EXO5: variants seen among roughly 807,000 people sequenced by gnomAD.
EXO5 encodes the protein exonuclease 5, also known as exonuclease V.
EXO5 carries 11 observed loss-of-function variants against 17.8 expected under a neutral mutation model. That is an observed-to-expected ratio of 0.62 (90% CI 0.39 to 1.02). The LOEUF (loss-of-function observed/expected upper bound fraction) is 1.02, where lower values mean the gene tolerates loss of function less well. Among genes scored for constraint, EXO5 ranks in the 50% least tolerant of loss-of-function variants. The pLI is 0.00. For missense variants in EXO5, 364 were observed against 434.8 expected, an observed-to-expected ratio of 0.84 and a Z score of 1.45; for synonymous variants, 147 against 166.5, an observed-to-expected ratio of 0.88 and a Z score of 0.90.
In EXO5 at chr1:40,514,693, C is replaced by G; in HGVS notation, c.149C>G (p.Ser50Cys). ...LVNMPGPSSE[S>C]LGKDDKPISL... ...AACATGCCTGGCCCATCTTCTGAAT[C>G]CCTTGGGAAGGATGACAAACCCATA... The change falls in exon 4 of 4, where the codon TCC becomes TGC. Residue 50 changes from serine to cysteine, a missense_variant. Physicochemically the swap from Ser to Cys is moderately radical, Grantham distance 112. Coordinates refer to ENST00000415550, the MANE Select transcript of EXO5 (RefSeq NM_001346953.2). The G allele has an allele frequency of 6.2e-7, 1 of 1,614,154 alleles. No homozygotes were observed. Among genetic ancestry groups the G allele is most frequent in the Non-Finnish European group, 8.5e-7 (1 of 1,180,030 alleles).
chr1:40,510,915 C>T (rs1048491189), intron 3 of EXO5, among the ~76,000 whole-genome samples: 3 of 152,210 alleles, frequency 2.0e-5, no homozygotes, highest in African/African-American at 7.2e-5. Flanking sequence ...CTCACCCTCA[C>T]AAATACCTCA....
chr1:40,515,898 C>G lies in EXO5; in HGVS notation c.*232C>G. On this transcript the variant is annotated 3_prime_UTR_variant, in exon 4 of 4. Transcript: ENST00000415550. Reference sequence around the variant, plus strand: ...TCATGATTGCCTGAGAAGACAGATGCTCATCATGGCTGGAATGAAGGTATC... The same window carrying G: ...TCATGATTGCCTGAGAAGACAGATGGTCATCATGGCTGGAATGAAGGTATC... The G allele has an allele frequency of 2.2e-6, 1 of 453,574 alleles. No homozygotes were observed. Among genetic ancestry groups the G allele is most frequent in the Non-Finnish European group, 4.0e-6 (1 of 248,746 alleles). 28.1% of individuals were successfully genotyped at this position (453,574 alleles called of 1,614,324 possible).
In EXO5 at chr1:40,515,573, C is replaced by T. The variant is rs1645876237; in HGVS notation, c.1029C>T (p.Cys343=). ...QGVDVEEAWK[C]RTCTYADICE... is the part of the protein sequence containing the mutation. ...TTGACGTGGAGGAGGCTTGGAAGTG[C>T]CGGACGTGTACCTATGCAGACATTT... Residue 343 remains cysteine, a synonymous_variant, in exon 4 of 4, where the codon TGC becomes TGT. Transcript: ENST00000415550. 3 of 1,612,604 alleles carry T rather than the reference C, an allele frequency of 1.9e-6. No individual in the cohort carries two copies. The South Asian group carries it at 3.3e-5, about 18-fold the overall frequency.
Position 40,515,110 on chromosome 1 carries a change from AG to A in EXO5, c.571del (p.Glu191AsnfsTer43). 1 of 1,614,150 alleles carries A rather than the reference AG, an allele frequency of 6.2e-7. No homozygotes were observed. Among genetic ancestry groups the A allele is most frequent in the African/African-American group, 1.3e-5 (1 of 75,018 alleles). On this transcript the variant is annotated frameshift_variant, in exon 4 of 4. Transcript: ENST00000415550. LOFTEE classifies it high-confidence loss of function. ...ATTGATGAGCTGCACTATACAGCCA[AG>A]GGGGAACTGGAGCTGGCGGAACTCA... is the stretch of plus-strand genomic sequence containing the variant. ...GVIDELHYTA[K>X]GELELAELKT...
At chr1:40,512,225 C>T (rs897065112) in intron 3 of EXO5, among the ~76,000 whole-genome samples, 1 of 152,196 alleles carries the variant, frequency 6.6e-6, no homozygotes, top group African/African-American at 2.4e-5. Flanking sequence ...AACAATCAAA[C>T]ATAATGTGTG....
chr1:40,514,366 G>T, intron 3 of EXO5, 149 bp from the exon 4 acceptor site: 1 of 602,540 alleles, frequency 1.7e-6, no homozygotes, highest in South Asian at 2.2e-5. Flanking sequence ...ATAACTCAAG[G>T]CATTACTAAT....
In EXO5 at chr1:40,515,659, C is replaced by T. The variant is rs1225924388; in HGVS notation, c.1115C>T (p.Ala372Val). The T allele has an allele frequency of 1.9e-6, 3 of 1,609,950 alleles. No homozygotes were observed. The South Asian group carries it at 3.3e-5, about 18-fold the overall frequency. ...ACACTGGCGCCCCAAGTCAAAAAAG[C>T]CAAATGAATAGAAGGTATGCTTTCA... ...SSTLAPQVKK[A>V]K Residue 372 changes from alanine to valine, a missense_variant, in exon 4 of 4, where the codon GCC becomes GTC. Coordinates refer to ENST00000415550, the MANE Select transcript of EXO5 (RefSeq NM_001346953.2).
chr1:40,514,323 A>T (rs1265321595), intron 3 of EXO5, 192 bp from the exon 4 acceptor site: 11 of 433,812 alleles, frequency 2.5e-5, no homozygotes, highest in Non-Finnish European at 4.0e-5. Flanking sequence ...ATGGATATAT[A>T]TAAGGAGCCC....
intron 3 of EXO5, among the ~76,000 whole-genome samples, chr1:40,510,046 C>G (rs1332190900): frequency 2.0e-5 from 3 of 152,176 alleles, no homozygotes; most frequent in Non-Finnish European, 4.4e-5. Flanking sequence ...CTAAATGCTA[C>G]CGAACTACTC....
chr1:40,515,836 A>T lies in EXO5; in HGVS notation c.*170A>T, dbSNP rs886377466. On this transcript the variant is annotated 3_prime_UTR_variant, in exon 4 of 4. Coordinates refer to ENST00000415550, the MANE Select transcript of EXO5 (RefSeq NM_001346953.2). Reference sequence around the variant, plus strand: ...AGTCCAGGACCAAGGCTCAGGGATGAGTGGGAGAGATGGGTTATACTGTCC... The same window carrying T: ...AGTCCAGGACCAAGGCTCAGGGATGTGTGGGAGAGATGGGTTATACTGTCC... 2.1e-5 allele frequency: 14 copies of T among 655,474 alleles called. No individual in the cohort carries two copies. The highest frequency in any genetic ancestry group is 3.7e-5 in the African/African-American group (2 of 54,534). The allele number at this position is 655,474 out of a possible 1,614,324, so 40.6% of individuals were successfully genotyped here.
rs934309847 is a variant in EXO5 at position 40,515,732 on chromosome 1, C to A, written c.*66C>A. On this transcript the variant is annotated 3_prime_UTR_variant, in exon 4 of 4. Coordinates refer to ENST00000415550, the MANE Select transcript of EXO5 (RefSeq NM_001346953.2). ...CTGTTGTACCTAAGCAAAAGAGGAC[C>A]AGTCTCTGAGCTTGGCTTTTATGGA... The A allele has an allele frequency of 2.0e-6, 3 of 1,511,674 alleles. No individual in the cohort carries two copies. Among genetic ancestry groups the A allele is most frequent in the Admixed American group, 2.1e-5 (1 of 46,850 alleles). 93.6% of individuals were successfully genotyped at this position (1,511,674 alleles called of 1,614,324 possible).
chr1:40,514,679 C>T lies in EXO5; in HGVS notation c.135C>T (p.Gly45=). ...CAAAGGCTTTAGTTAACATGCCTGG[C>T]CCATCTTCTGAATCCCTTGGGAAGG... is the stretch of plus-strand genomic sequence containing the variant. ...QESKALVNMP[G]PSSESLGKDD... is the part of the protein sequence containing the mutation. Residue 45 remains glycine, a synonymous_variant, in exon 4 of 4, where the codon GGC becomes GGT. Coordinates refer to ENST00000415550, the MANE Select transcript of EXO5 (RefSeq NM_001346953.2). 1.9e-6 allele frequency: 3 copies of T among 1,614,170 alleles called. No homozygotes were observed. The highest frequency in any genetic ancestry group is 1.1e-5 in the South Asian group (1 of 91,078).
chr1:40,514,474 G>T, intron 3 of EXO5, 41 bp from the exon 4 acceptor site: 1 of 1,456,628 alleles, frequency 6.9e-7, no homozygotes, highest in Non-Finnish European at 9.2e-7. Flanking sequence ...TTTTGAGAAC[G>T]TTTTTATTTG....
chr1:40,514,536 A>C lies in EXO5; in HGVS notation c.-9A>C, dbSNP rs1429087422. The C allele has an allele frequency of 1.9e-6, 3 of 1,609,424 alleles. No homozygotes were observed. In the East Asian group the frequency reaches 6.7e-5, roughly 36 times the overall value. On this transcript the variant is annotated 5_prime_UTR_variant, in exon 4 of 4. Transcript: ENST00000415550. ...GCAGGGCCCTTCTAGCCCAATCCAG[A>C]GCTGTACCATGGCAGAGACAAGAGA...
rs747705573 is a variant in EXO5 at position 40,515,051 on chromosome 1, T to TG, written c.511dup (p.Glu171GlyfsTer12). 3 of 1,614,104 alleles carry TG rather than the reference T, an allele frequency of 1.9e-6. No homozygotes were observed. The highest frequency in any genetic ancestry group is 2.5e-6 in the Non-Finnish European group (3 of 1,180,020). On this transcript the variant is annotated frameshift_variant, in exon 4 of 4. Transcript: ENST00000415550. LOFTEE classifies it high-confidence loss of function. ...GGCACATCAGAGAGTTTCCAGTGTTTGGGGAAGGGGAGGGTGTACTTCTTG... is the reference window on the plus strand; with the variant it reads ...GGCACATCAGAGAGTTTCCAGTGTTTGGGGGAAGGGGAGGGTGTACTTCTTG...
Position 40,515,270 on chromosome 1 carries a change from A to C in EXO5, c.726A>C (p.Thr242=). The C allele has an allele frequency of 6.2e-7, 1 of 1,614,054 alleles. No individual in the cohort carries two copies. The highest frequency in any genetic ancestry group is 8.5e-7 in the Non-Finnish European group (1 of 1,179,998). Residue 242 remains threonine, a synonymous_variant, in exon 4 of 4, where the codon ACA becomes ACC. Coordinates refer to ENST00000415550, the MANE Select transcript of EXO5 (RefSeq NM_001346953.2). Reference sequence around the variant, plus strand: ...CCCCTGCTAGCCTAATCCACCACACAAAGTTGTGTCTAGAAAAGCCACTGG... The same window carrying C: ...CCCCTGCTAGCCTAATCCACCACACCAAGTTGTGTCTAGAAAAGCCACTGG... ...KVTPASLIHH[T]KLCLEKPLGP... is the part of the protein sequence containing the mutation.
chr1:40,513,693 A>G (rs80211949), intron 3 of EXO5, among the ~76,000 whole-genome samples: 8,751 of 151,484 alleles, frequency 0.058, 355 homozygotes, highest in African/African-American at 0.1. Flanking sequence ...TGTTCAAGCA[A>G]TTCTGCTGCC....
Position 40,515,051 on chromosome 1 carries a change from T to C in EXO5, c.507T>C (p.Phe169=). The C allele has an allele frequency of 6.2e-7, 1 of 1,614,104 alleles. No individual in the cohort carries two copies. The highest frequency in any genetic ancestry group is 8.5e-7 in the Non-Finnish European group (1 of 1,180,020). ...GGCACATCAGAGAGTTTCCAGTGTT[T>C]GGGGAAGGGGAGGGTGTACTTCTTG... ...SEGHIREFPV[F]GEGEGVLLVG... is the part of the protein sequence containing the mutation. The change falls in exon 4 of 4, where the codon TTT becomes TTC. Residue 169 remains phenylalanine (F), a synonymous_variant. Coordinates refer to ENST00000415550, the MANE Select transcript of EXO5 (RefSeq NM_001346953.2).
At position 40,508,855 on chromosome 1, in the gene EXO5, C is replaced by G. The variant is rs1263061985; in HGVS notation, c.-317C>G. The G allele has an allele frequency of 6.6e-6, 1 of 152,388 alleles. No homozygotes were observed. Among genetic ancestry groups the G allele is most frequent in the Non-Finnish European group, 1.5e-5 (1 of 68,192 alleles). 9.4% of individuals were successfully genotyped at this position (152,388 alleles called of 1,614,324 possible). A position where few individuals can be genotyped will look rare whatever the true frequency, so the allele number is the denominator to read the frequency against. On this transcript the variant is annotated 5_prime_UTR_variant, in exon 1 of 4. Coordinates refer to ENST00000415550, the MANE Select transcript of EXO5 (RefSeq NM_001346953.2). This position sits in a 1 kb window ranked among gnomAD's most constrained non-coding sequence, Gnocchi z 4.2. ...CCTCGCCGGGAGCGTCCGGGAGCAG[C>G]TCCGAGGCCGCGGCGAAACCAGGTG...
Sources: gnomAD v4.1 joint callset for allele counts (sites outside exome capture counted in the v4.1 genomes callset) on GRCh38, gnomAD v4.1.1 for gene constraint, Gnocchi (gnomAD v3.1) non-coding constraint, MANE v1.5 for transcripts, NCBI Gene and HGNC (gene_info 2026-07-23, HGNC 2026-07-21) for gene names.